The following PTPRZ1 variants were observed in gnomAD, a reference collection of about 807,000 sequenced individuals.
PTPRZ1 encodes receptor-type tyrosine-protein phosphatase zeta.
A neutral mutation model predicts 214.1 loss-of-function variants in PTPRZ1; 82 were observed. The observed-to-expected ratio is 0.38, with a 90% confidence interval of 0.32 to 0.46. PTPRZ1 has a LOEUF of 0.46. Among genes scored for constraint, PTPRZ1 ranks in the 20% least tolerant of loss-of-function variants. The probability of loss-of-function intolerance (pLI) is 1.00; values close to 1 mark genes in which losing one functional copy is unlikely to be tolerated. For synonymous variants in PTPRZ1, 945 were observed against 987.9 expected (o/e 0.96, Z 0.81); for missense variants, 2,603 against 2,748.7 (o/e 0.95, Z 1.19).
chr7:121,920,799 T>A (rs1409891992), intron 1 of PTPRZ1, among the ~76,000 whole-genome samples: 2 of 152,152 alleles, frequency 1.3e-5, no homozygotes, highest in Admixed American at 6.5e-5. Flanking sequence ...ATTGTCAACT[T>A]TTAATTTTAG....
At position 121,997,981 on chromosome 7, in the gene PTPRZ1, T is replaced by A; in HGVS notation, c.1215T>A (p.Ile405=). The change falls in exon 10 of 30, where the codon ATT becomes ATA. Residue 405 remains isoleucine, a synonymous_variant. Transcript: ENST00000393386. ...GLYGKYSDQL[I]VDMPTDNPEL... ...ATGGAAAATACAGCGACCAACTGAT[T>A]GTCGACATGCCTACTGATAATCCTG... is the stretch of plus-strand genomic sequence containing the variant. The A allele has an allele frequency of 6.2e-7, 1 of 1,613,264 alleles. No individual in the cohort carries two copies. The highest frequency in any genetic ancestry group is 8.5e-7 in the Non-Finnish European group (1 of 1,179,672).
chr7:121,942,397 T>A (rs928103083), intron 2 of PTPRZ1, among the ~76,000 whole-genome samples: 2 of 152,256 alleles, frequency 1.3e-5, no homozygotes, highest in Admixed American at 1.3e-4. Context: ...GCAGAATAAT[T>A]ACATCTTTAA....
At chr7:122,000,187 TA>T (rs1314732812) in intron 10 of PTPRZ1, among the ~76,000 whole-genome samples, 1 of 152,190 alleles carries the variant, frequency 6.6e-6, no homozygotes, top group East Asian at 1.9e-4. Flanking sequence ...TCCTATTTTT[TA>T]TAAAGAAAAG....
rs559805826 is a variant in PTPRZ1, at chr7:122,010,272, A to G, written c.1288-62A>G. ...CAAGTGATGATTGGCAGTGTAAGATATGAAGATTTTCTTTTTCTCTTATTT... is the reference window on the plus strand; with the variant it reads ...CAAGTGATGATTGGCAGTGTAAGATGTGAAGATTTTCTTTTTCTCTTATTT... On this transcript the variant is annotated intron_variant, in intron 11 of 29. Coordinates refer to ENST00000393386, the MANE Select transcript of PTPRZ1 (RefSeq NM_002851.3). 71 of 1,465,986 alleles carry G rather than the reference A, an allele frequency of 4.8e-5. No homozygotes were observed. The South Asian group carries it at 8.5e-4, about 18-fold the overall frequency. The allele number at this position is 1,465,986 out of a possible 1,614,324, so 90.8% of individuals were successfully genotyped here. A position where few individuals can be genotyped will look rare whatever the true frequency, so the allele number is the denominator to read the frequency against.
chr7:121,973,189 G>C (rs1157441187), intron 4 of PTPRZ1, among the ~76,000 whole-genome samples: 1 of 151,872 alleles, frequency 6.6e-6, no homozygotes, highest in Non-Finnish European at 1.5e-5. Context: ...TAAATTTAAA[G>C]CCATTTAGTC....
chr7:122,051,532 T>C lies in PTPRZ1; in HGVS notation c.6178+11T>C. The C allele has an allele frequency of 6.2e-7, 1 of 1,600,860 alleles. No homozygotes were observed. Among genetic ancestry groups the C allele is most frequent in the East Asian group, 2.2e-5 (1 of 44,782 alleles). On this transcript the variant is annotated intron_variant, in intron 24 of 29. Transcript: ENST00000393386. ...CTTCTATCATCCCTGGTAAGTTGTG[T>C]TGATCCTTGAAAAAACAACTTTTTT...
intron 2 of PTPRZ1, among the ~76,000 whole-genome samples, chr7:121,955,465 T>TTTGTTTG (rs1796675252): frequency 7.2e-6 from 1 of 139,456 alleles, no homozygotes; most frequent in Non-Finnish European, 1.6e-5. Flanking sequence ...TTGTTTGTTT[T>TTTGTTTG]GTTCTGCATT....
chr7:121,980,772 C>T (rs1160789308), intron 6 of PTPRZ1, among the ~76,000 whole-genome samples: 2 of 152,192 alleles, frequency 1.3e-5, no homozygotes, highest in South Asian at 2.1e-4. Context: ...GTTCAGTCTT[C>T]ATAGAGTTTA....
At chr7:121,977,152 GTC>G (rs1019177194) in intron 6 of PTPRZ1, among the ~76,000 whole-genome samples, 7 of 152,232 alleles carry the variant, frequency 4.6e-5, no homozygotes, top group African/African-American at 1.7e-4. Context: ...TATCTATTAT[GTC>G]TCTGCATTAT....
intron 8 of PTPRZ1, among the ~76,000 whole-genome samples, chr7:121,986,688 T>C (rs1797771394): frequency 6.6e-6 from 1 of 152,192 alleles, no homozygotes; most frequent in Non-Finnish European, 1.5e-5. Flanking sequence ...TAATAATTTA[T>C]TTATCACCTA....
Position 121,953,741 on chromosome 7 carries a change from G to A in PTPRZ1, c.125-14210G>A, listed in dbSNP as rs541194241. On this transcript the variant is annotated intron_variant, in intron 2 of 29. Transcript: ENST00000393386. The stretch of plus-strand genomic sequence containing the variant: ...ATTTTTTGCTACTCATTGGTTGTCA[G>A]TGCCATTGAGGAGAGCTCAGTGTAG... Among the ~76,000 whole-genome samples the A allele has an allele frequency of 4.6e-5, 7 of 152,324 alleles. No individual in the cohort carries two copies. In the South Asian group the frequency reaches 1.2e-3, roughly 27 times the overall value.
intron 23 of PTPRZ1, among the ~76,000 whole-genome samples, chr7:122,047,576 G>T (rs1371642293): frequency 6.6e-6 from 1 of 151,798 alleles, no homozygotes; most frequent in Non-Finnish European, 1.5e-5. Flanking sequence ...GTACTCTACG[G>T]TTTCTATTAT....
chr7:121,962,729 T>C (rs917401299), intron 2 of PTPRZ1, among the ~76,000 whole-genome samples: 3 of 151,722 alleles, frequency 2.0e-5, no homozygotes, highest in Admixed American at 6.6e-5. Flanking sequence ...CATACCCAGC[T>C]AATTTTTGTA....
At chr7:121,922,093 A>G (rs1193073781) in intron 1 of PTPRZ1, among the ~76,000 whole-genome samples, 4 of 152,194 alleles carry the variant, frequency 2.6e-5, no homozygotes. Flanking sequence ...TCGTGGGCAA[A>G]TTTAATTTTA....
At chr7:121,959,466 G>A (rs1198936558) in intron 2 of PTPRZ1, among the ~76,000 whole-genome samples, 1 of 152,204 alleles carries the variant, frequency 6.6e-6, no homozygotes, top group Non-Finnish European at 1.5e-5. Flanking sequence ...ACACTGATTT[G>A]TGCATGGAAA....
At chr7:121,887,712 A>C (rs930908464) in intron 1 of PTPRZ1, among the ~76,000 whole-genome samples, 1 of 152,114 alleles carries the variant, frequency 6.6e-6, no homozygotes, top group Non-Finnish European at 1.5e-5. Flanking sequence ...GAGAACTATA[A>C]GTTTCTTTAT....
chr7:121,887,964 G>A (rs533356827), intron 1 of PTPRZ1, among the ~76,000 whole-genome samples: 65 of 152,162 alleles, frequency 4.3e-4, no homozygotes, highest in African/African-American at 1.5e-3. Context: ...GTGAGATCCT[G>A]TTTGATTCAA....
intron 3 of PTPRZ1, among the ~76,000 whole-genome samples, chr7:121,970,073 T>C (rs1397453984): frequency 6.6e-6 from 1 of 151,370 alleles, no homozygotes. Context: ...GTCCTTGCGA[T>C]AGTTTGCTGA....
chr7:121,965,863 G>A (rs930613573), intron 2 of PTPRZ1, among the ~76,000 whole-genome samples: 4 of 152,174 alleles, frequency 2.6e-5, no homozygotes, highest in African/African-American at 9.7e-5. Context: ...AGTTTAATGT[G>A]TATATCAATA....
Sources: gnomAD v4.1 joint callset for allele counts (sites outside exome capture counted in the v4.1 genomes callset) on GRCh38, gnomAD v4.1.1 for gene constraint, MANE v1.5 for transcripts, NCBI Gene and HGNC (gene_info 2026-07-23, HGNC 2026-07-21) for gene names.